Variants in GPATCH8 observed in about 807,000 individuals in gnomAD.
GPATCH8 encodes the protein G-patch domain containing 8.
GPATCH8 carries 18 observed loss-of-function variants against 118.3 expected under a neutral mutation model. The observed-to-expected ratio is 0.15, with a 90% CI of 0.11 to 0.23. The LOEUF (loss-of-function observed/expected upper bound fraction) is 0.23. Among genes scored for constraint, GPATCH8 ranks in the 10% least tolerant of loss-of-function variants. GPATCH8 has a pLI of 1.00. For synonymous variants in GPATCH8, 659 were observed against 684.7 expected, an observed-to-expected ratio of 0.96 and a Z score of 0.59; for missense variants, 1,631 against 1,873.8, an observed-to-expected ratio of 0.87 and a Z score of 2.39.
rs143289344 is a variant in GPATCH8 at position 44,411,083 on chromosome 17, C to T, written c.493-5032G>A. On this transcript the variant is annotated intron_variant, in intron 6 of 7. Coordinates refer to ENST00000591680, the MANE Select transcript of GPATCH8 (RefSeq NM_001002909.4). Reference sequence around the variant, plus strand: ...GGATTATAAATGTGCAGAAAAGGTACACCCCAACAGCCACCCACTTCTCTT... The same window carrying T: ...GGATTATAAATGTGCAGAAAAGGTATACCCCAACAGCCACCCACTTCTCTT... 3.2e-4 allele frequency among the ~76,000 whole-genome samples: 48 copies of T among 152,322 alleles called. 1 individual carries two copies. Among genetic ancestry groups the T allele is most frequent in the Admixed American group, 5.2e-4 (8 of 15,302 alleles).
intron 1 of GPATCH8, among the ~76,000 whole-genome samples, chr17:44,478,017 G>A (rs1027162214): frequency 9.4e-5 from 14 of 148,562 alleles, no homozygotes; most frequent in Non-Finnish European, 1.8e-4. Flanking sequence ...GGGTGGGGGG[G>A]TTCACACCAT....
At chr17:44,448,535 A>AAGGAAGAAGAAGAGGAAG (rs200126512) in intron 3 of GPATCH8, among the ~76,000 whole-genome samples, 30 of 90,300 alleles carry the variant, frequency 3.3e-4, no homozygotes, top group Non-Finnish European at 6.5e-4. Context: ...GAAGAAGAAG[A>AAGGAAGAAGAAGAGGAAG]AGGAAGAAGA....
In GPATCH8 at chr17:44,399,661, G is replaced by A. The variant is rs1165239209; in HGVS notation, c.2416C>T (p.Arg806Trp). 22 of 1,614,034 alleles carry A rather than the reference G, an allele frequency of 1.4e-5. No homozygotes were observed. The highest frequency in any genetic ancestry group is 4.0e-5 in the African/African-American group (3 of 74,930). The change falls in exon 8 of 8, where the codon CGG (arginine) becomes TGG (tryptophan). Residue 806 changes from arginine to tryptophan, a missense_variant. Around this residue, in one of 8 missense-constraint regions of GPATCH8, gnomAD observed 922 missense variants for 879.7 expected, o/e 1.05. Coordinates refer to ENST00000591680, the MANE Select transcript of GPATCH8 (RefSeq NM_001002909.4). Reference sequence around the variant, plus strand: ...CTGGGTTGGCTCCGATGGCTAGACCGGCTGCTCCGTTTGGTGCCTGCTCTT... The same window carrying A: ...CTGGGTTGGCTCCGATGGCTAGACCAGCTGCTCCGTTTGGTGCCTGCTCTT... ...QRRAGTKRSSRSSHRSQPSSG... is the reference protein window; with the variant it reads ...QRRAGTKRSSWSSHRSQPSSG...
intron 3 of GPATCH8, among the ~76,000 whole-genome samples, chr17:44,450,924 A>T (rs2051090170): frequency 6.6e-6 from 1 of 152,184 alleles, no homozygotes; most frequent in Non-Finnish European, 1.5e-5. Context: ...ATTATAAAAA[A>T]TTTGAAATTA....
intron 5 of GPATCH8, among the ~76,000 whole-genome samples, chr17:44,431,277 G>A (rs980323417): frequency 4.6e-5 from 7 of 151,358 alleles, no homozygotes; most frequent in Admixed American, 2.0e-4. Flanking sequence ...AGGAGGCTGG[G>A]GCAGGAGAAT....
intron 1 of GPATCH8, among the ~76,000 whole-genome samples, chr17:44,477,251 CTTG>C (rs1267114807): frequency 6.6e-6 from 1 of 152,172 alleles, no homozygotes; most frequent in Admixed American, 6.6e-5. Context: ...AGAACTGAGT[CTTG>C]TTTATCTCTT....
rs777431073 is a variant in GPATCH8, at chr17:44,397,489, G to GGTAA, written c.*78_*79insTTAC. On this transcript the variant is annotated 3_prime_UTR_variant, in exon 8 of 8. Coordinates refer to ENST00000591680, the MANE Select transcript of GPATCH8 (RefSeq NM_001002909.4). ...CTGCCCATCCCAGCTTCTACTTGCT[G>GGTAA]GTATTAATGGCTCAACACCCCCAAG... 4 of 970,162 alleles carry GGTAA rather than the reference G, an allele frequency of 4.1e-6. No homozygotes were observed. Among genetic ancestry groups the GGTAA allele is most frequent in the Middle Eastern group, 5.7e-4 (2 of 3,488 alleles). The allele number at this position is 970,162 out of a possible 1,614,324, so 60.1% of individuals were successfully genotyped here.
At position 44,399,889 on chromosome 17, in the gene GPATCH8, C is replaced by T. The variant is rs2048944651; in HGVS notation, c.2188G>A (p.Gly730Arg). ...CTCCCAGGGGGTTCTGGTTTGGGTC[C>T]TCGTTCAGAATCTGCTGGGGCTGAT... ...KSSAPADSER[G>R]PKPEPPGSGS... The change falls in exon 8 of 8, where the codon GGA becomes AGA. Residue 730 changes from glycine (G) to arginine (R), a missense_variant. By Grantham distance (125) the Gly-to-Arg change is moderately radical. Around this residue, in one of 8 missense-constraint regions of GPATCH8, gnomAD observed 922 missense variants for 879.7 expected, o/e 1.05. Coordinates refer to ENST00000591680, the MANE Select transcript of GPATCH8 (RefSeq NM_001002909.4). 6.2e-7 allele frequency: 1 copy of T among 1,613,982 alleles called. No homozygotes were observed. Among genetic ancestry groups the T allele is most frequent in the Non-Finnish European group, 8.5e-7 (1 of 1,179,996 alleles).
At chr17:44,452,398 T>C (rs1187626015) in intron 3 of GPATCH8, among the ~76,000 whole-genome samples, 3 of 151,704 alleles carry the variant, frequency 2.0e-5, no homozygotes, top group African/African-American at 7.3e-5. Flanking sequence ...AGAAAATCCA[T>C]GTCCAAGCAC....
At position 44,396,481 on chromosome 17, in the gene GPATCH8, AC is replaced by A. The variant is rs1248170242; in HGVS notation, c.*1086del. 4.6e-5 allele frequency: 21 copies of A among 454,210 alleles called. No homozygotes were observed. Among genetic ancestry groups the A allele is most frequent in the African/African-American group, 3.8e-4 (19 of 50,012 alleles). 28.1% of individuals were successfully genotyped at this position (454,210 alleles called of 1,614,324 possible). The stretch of plus-strand genomic sequence containing the variant: ...TTTTGTCCCAGCAAAAAATGTTTTA[AC>A]ATTTTATAGTTCATAACTTCAAAAA... On this transcript the variant is annotated 3_prime_UTR_variant, in exon 8 of 8. Transcript: ENST00000591680.
rs1034423247 is a variant in GPATCH8, at chr17:44,395,566, C to T, written c.*2002G>A. On this transcript the variant is annotated 3_prime_UTR_variant, in exon 8 of 8. Coordinates refer to ENST00000591680, the MANE Select transcript of GPATCH8 (RefSeq NM_001002909.4). The stretch of plus-strand genomic sequence containing the variant: ...GGCTGAAAGCAAAGAAAAATGAGTC[C>T]CTTCACTTACACAGATGATTTCATT... 8 of 454,212 alleles carry T rather than the reference C, an allele frequency of 1.8e-5. No homozygotes were observed. Among genetic ancestry groups the T allele is most frequent in the African/African-American group, 1.6e-4 (8 of 49,962 alleles). 28.1% of individuals were successfully genotyped at this position (454,212 alleles called of 1,614,324 possible). A position where few individuals can be genotyped will look rare whatever the true frequency, so the allele number is the denominator to read the frequency against.
rs1288442363 is a variant in GPATCH8 at position 44,399,191 on chromosome 17, G to A, written c.2886C>T (p.Ser962=). 3.1e-6 allele frequency: 5 copies of A among 1,613,086 alleles called. No homozygotes were observed. The highest frequency in any genetic ancestry group is 4.2e-6 in the Non-Finnish European group (5 of 1,179,270). The change falls in exon 8 of 8, where the codon AGC becomes AGT. Residue 962 remains serine (S), a synonymous_variant. Coordinates refer to ENST00000591680, the MANE Select transcript of GPATCH8 (RefSeq NM_001002909.4). ...ERSRSRGRSR[S]SSCSRSRSKR... The stretch of plus-strand genomic sequence containing the variant: ...TGCTTCGACTACGACTACAACTGCT[G>A]CTGCGGCTGCGGCCCCGGGATCTTG...
At position 44,502,768 on chromosome 17, in the gene GPATCH8, A is replaced by G. The variant is rs539158103; in HGVS notation, c.45+558T>C. ...CAACACTTATGCCCCGCGAAATCTC[A>G]ATGTATGACTAACCAATAAGGCGTC... On this transcript the variant is annotated intron_variant, in intron 1 of 7. Transcript: ENST00000591680. Among the ~76,000 whole-genome samples, 8 of 152,304 alleles carry G rather than the reference A, an allele frequency of 5.3e-5. No homozygotes were observed. In the South Asian group the frequency reaches 1.2e-3, roughly 24 times the overall value.
intron 3 of GPATCH8, among the ~76,000 whole-genome samples, chr17:44,447,814 C>T (rs2050942984): frequency 6.6e-6 from 1 of 152,126 alleles, no homozygotes; most frequent in Non-Finnish European, 1.5e-5. Context: ...CTTTTTAGGA[C>T]TGGCATACAG....
chr17:44,427,751 T>G (rs993801543), intron 5 of GPATCH8, among the ~76,000 whole-genome samples: 1 of 152,174 alleles, frequency 6.6e-6, no homozygotes, highest in African/African-American at 2.4e-5. Flanking sequence ...AATGGCCATT[T>G]TACTTATTAA....
chr17:44,433,865 G>A (rs1023255024), intron 5 of GPATCH8, among the ~76,000 whole-genome samples: 8 of 152,132 alleles, frequency 5.3e-5, no homozygotes, highest in African/African-American at 1.9e-4. Flanking sequence ...TATGCCAGGC[G>A]CAGTGGCTCA....
intron 1 of GPATCH8, among the ~76,000 whole-genome samples, chr17:44,499,636 A>G (rs1455762041): frequency 6.6e-6 from 1 of 152,254 alleles, no homozygotes; most frequent in Non-Finnish European, 1.5e-5. Flanking sequence ...ATGGCACCGT[A>G]TAGCTAGCTG....
chr17:44,486,121 T>C (rs1009780164), intron 1 of GPATCH8: 1 of 152,242 alleles, frequency 6.6e-6, no homozygotes, highest in Admixed American at 6.5e-5. Context: ...TTCCACCATG[T>C]TGCCTATGTA....
chr17:44,467,173 C>CA, intron 2 of GPATCH8: 1 of 699,532 alleles, frequency 1.4e-6, no homozygotes, highest in Non-Finnish European at 2.1e-6. Flanking sequence ...CACTAATGGT[C>CA]GTTTTTTTTT....
Sources: gnomAD v4.1 joint callset for allele counts (sites outside exome capture counted in the v4.1 genomes callset) on GRCh38, gnomAD v4.1.1 for gene constraint, gnomAD v4.1.1 regional missense constraint, MANE v1.5 for transcripts, NCBI Gene and HGNC (gene_info 2026-07-23, HGNC 2026-07-21) for gene names.